Variants in GRIK4 observed in about 807,000 individuals in gnomAD.
GRIK4 encodes glutamate ionotropic receptor kainate type subunit 4.
A neutral mutation model predicts 104.9 loss-of-function variants in GRIK4; 40 were observed. The ratio of observed to expected loss-of-function variants is 0.38; its 90% CI spans 0.30 to 0.50. The LOEUF is 0.50. Ranked by LOEUF, GRIK4 falls within the 20% of genes least tolerant of loss-of-function variation. The probability of loss-of-function intolerance (pLI) is 0.93; values close to 1 mark genes in which losing one functional copy is unlikely to be tolerated. For synonymous variants in GRIK4, 485 were observed against 524.9 expected (o/e 0.92, Z 1.04); for missense variants, 1,047 against 1,308.1 (o/e 0.80, Z 3.08).
intron 3 of GRIK4, among the ~76,000 whole-genome samples, chr11:120,766,381 T>G (rs1251701693): frequency 6.6e-6 from 1 of 152,200 alleles, no homozygotes; most frequent in Admixed American, 6.5e-5. Flanking sequence ...GATCCTAGCT[T>G]GCTGGGCTCA....
At chr11:120,637,736 T>C (rs888778700) in intron 1 of GRIK4, among the ~76,000 whole-genome samples, 5 of 152,106 alleles carry the variant, frequency 3.3e-5, no homozygotes, top group African/African-American at 1.2e-4. Flanking sequence ...CGTAGTGGGG[T>C]GTGCCAGGGT....
intron 3 of GRIK4, among the ~76,000 whole-genome samples, chr11:120,680,787 A>G (rs1950180493): frequency 1.3e-5 from 2 of 152,186 alleles, no homozygotes; most frequent in African/African-American, 4.8e-5. Context: ...GGAGCTGGAT[A>G]TTTGTCTTTG....
intron 3 of GRIK4, among the ~76,000 whole-genome samples, chr11:120,734,840 A>G (rs1951194190): frequency 6.6e-6 from 1 of 152,186 alleles, no homozygotes; most frequent in African/African-American, 2.4e-5. Flanking sequence ...TCAGTATATC[A>G]ATTGCATTTT....
At chr11:120,749,040 A>G (rs1315238274) in intron 3 of GRIK4, among the ~76,000 whole-genome samples, 1 of 152,146 alleles carries the variant, frequency 6.6e-6, no homozygotes, top group Non-Finnish European at 1.5e-5. Flanking sequence ...CCTCCTGCTG[A>G]TTTGTGAGGA....
intron 7 of GRIK4, among the ~76,000 whole-genome samples, chr11:120,836,019 C>T (rs1440449072): frequency 2.6e-5 from 4 of 152,190 alleles, no homozygotes; most frequent in African/African-American, 7.2e-5. Context: ...TTGTTTCCGA[C>T]GTCACTGCAG....
chr11:120,559,469 A>G (rs949935229), intron 1 of GRIK4, among the ~76,000 whole-genome samples: 5 of 152,216 alleles, frequency 3.3e-5, no homozygotes, highest in African/African-American at 1.2e-4. Flanking sequence ...TTCAGCTGGC[A>G]TCTCAGGAGA....
intron 3 of GRIK4, among the ~76,000 whole-genome samples, chr11:120,723,038 T>C (rs1227093136): frequency 6.6e-6 from 1 of 152,242 alleles, no homozygotes; most frequent in Non-Finnish European, 1.5e-5. Flanking sequence ...ATGTTTTGCA[T>C]ATACTATCTC....
chr11:120,704,484 G>T (rs146066296), intron 3 of GRIK4, among the ~76,000 whole-genome samples: 10 of 152,290 alleles, frequency 6.6e-5, no homozygotes, highest in South Asian at 2.1e-4. Context: ...CTCTATCTCA[G>T]CTTCGAAGCC....
chr11:120,700,702 C>T (rs1950538504), intron 3 of GRIK4, among the ~76,000 whole-genome samples: 1 of 152,084 alleles, frequency 6.6e-6, no homozygotes, highest in South Asian at 2.1e-4. Flanking sequence ...CGTGATCCGC[C>T]CACTTTGGCC....
rs771935626 is a variant in GRIK4, at chr11:120,819,715, C to G, written c.346-40C>G. The G allele has an allele frequency of 6.2e-6, 10 of 1,604,362 alleles. No homozygotes were observed. In the Middle Eastern group the frequency reaches 5.0e-4, roughly 80 times the overall value. ...TCCCTCTTTCTTCCTTTTCACCCAC[C>G]TGGATCCTCCCTGCTGTCCGTTTTT... On this transcript the variant is annotated intron_variant, in intron 5 of 20. Transcript: ENST00000527524. The surrounding 1 kb of genome is among the most constrained non-coding windows in gnomAD (Gnocchi z 4.3).
At chr11:120,732,198 C>G (rs765688511) in intron 3 of GRIK4, among the ~76,000 whole-genome samples, 6 of 152,152 alleles carry the variant, frequency 3.9e-5, no homozygotes, top group Non-Finnish European at 1.5e-5. Context: ...GTGGTGCATT[C>G]TTGGTTCACT....
At chr11:120,982,461 G>A (rs898271079) in intron 20 of GRIK4, among the ~76,000 whole-genome samples, 4 of 152,174 alleles carry the variant, frequency 2.6e-5, no homozygotes, top group African/African-American at 9.7e-5. Context: ...AAAGTACCAG[G>A]TTACTATGGA....
chr11:120,638,190 A>G (rs1949423386), intron 1 of GRIK4, among the ~76,000 whole-genome samples: 1 of 152,038 alleles, frequency 6.6e-6, no homozygotes, highest in Non-Finnish European at 1.5e-5. Flanking sequence ...ATGTTTTATT[A>G]TTAATTTAAC....
chr11:120,574,673 C>T (rs1419880845), intron 1 of GRIK4, among the ~76,000 whole-genome samples: 1 of 152,204 alleles, frequency 6.6e-6, no homozygotes, highest in Admixed American at 6.5e-5. Context: ...GTGCCAGGCA[C>T]TCAGCTGGTA....
chr11:120,543,070 C>T (rs766793252), intron 1 of GRIK4, among the ~76,000 whole-genome samples: 26 of 152,256 alleles, frequency 1.7e-4, no homozygotes, highest in African/African-American at 6.0e-4. Flanking sequence ...AGTGTACCCC[C>T]GTACACTGTT....
At chr11:120,789,754 G>A (rs1952360406) in intron 3 of GRIK4, among the ~76,000 whole-genome samples, 1 of 152,070 alleles carries the variant, frequency 6.6e-6, no homozygotes, top group African/African-American at 2.4e-5. Context: ...CGCTGACTGA[G>A]CCAGTCACCA....
intron 3 of GRIK4, among the ~76,000 whole-genome samples, chr11:120,773,801 G>A (rs115405369): frequency 6.6e-6 from 1 of 152,200 alleles, no homozygotes; most frequent in South Asian, 2.1e-4. Context: ...ACTCTCAAAG[G>A]GTTTGAAGTT....
chr11:120,820,054 G>T, intron 6 of GRIK4, 134 bp downstream of exon 6: 1 of 756,096 alleles, frequency 1.3e-6, no homozygotes, highest in Non-Finnish European at 2.2e-6. Context: ...ATAACCAATG[G>T]GTTTGGGCAT....
At chr11:120,587,088 A>G (rs553765356) in intron 1 of GRIK4, among the ~76,000 whole-genome samples, 2 of 152,358 alleles carry the variant, frequency 1.3e-5, no homozygotes, top group South Asian at 2.1e-4. Flanking sequence ...CTGAAAATAT[A>G]GAGGTGTCTC....
Sources: gnomAD v4.1 joint callset for allele counts (sites outside exome capture counted in the v4.1 genomes callset) on GRCh38, gnomAD v4.1.1 for gene constraint, Gnocchi (gnomAD v3.1) non-coding constraint, MANE v1.5 for transcripts, NCBI Gene and HGNC (gene_info 2026-07-23, HGNC 2026-07-21) for gene names.